Variants in PIBF1 observed in about 807,000 individuals in gnomAD.
PIBF1 encodes the protein progesterone-induced-blocking factor 1.
Under a neutral mutation model 112.5 loss-of-function variants are expected in PIBF1, and 90 were observed. That is an observed-to-expected ratio of 0.80 (90% confidence interval 0.67 to 0.95). PIBF1 has a LOEUF of 0.95. PIBF1 is among the 40% of genes least tolerant of loss of function. The pLI is 0.00. For synonymous variants in PIBF1, 301 were observed against 288.6 expected (o/e 1.04, Z -0.44); for missense variants, 915 against 852.3 (o/e 1.07, Z -0.92).
intron 9 of PIBF1, among the ~76,000 whole-genome samples, chr13:72,839,614 A>G (rs1242801475): frequency 6.6e-6 from 1 of 152,202 alleles, no homozygotes; most frequent in Admixed American, 6.5e-5. Flanking sequence ...GACTGATATA[A>G]TAACTTTAAA....
intron 11 of PIBF1, among the ~76,000 whole-genome samples, chr13:72,902,648 T>C (rs2040538337): frequency 6.6e-6 from 1 of 152,198 alleles, no homozygotes; most frequent in Non-Finnish European, 1.5e-5. Context: ...GTCGCAGCAT[T>C]ATTTATTATG....
chr13:72,823,107 A>G (rs997389769), intron 6 of PIBF1, among the ~76,000 whole-genome samples: 2 of 152,202 alleles, frequency 1.3e-5, no homozygotes, highest in South Asian at 4.1e-4. Context: ...AAAATATAAA[A>G]TAAAAAAGAA....
chr13:72,971,143 A>C (rs1205701520), intron 15 of PIBF1, among the ~76,000 whole-genome samples: 2 of 151,826 alleles, frequency 1.3e-5, no homozygotes, highest in East Asian at 3.9e-4. Flanking sequence ...ATTACACTAC[A>C]TATTCTTTAG....
At chr13:72,803,227 CTTGTTTTTTTT>C (rs1489574831) in intron 5 of PIBF1, among the ~76,000 whole-genome samples, 2 of 150,112 alleles carry the variant, frequency 1.3e-5, no homozygotes, top group African/African-American at 4.9e-5. Context: ...CCAGGGAAGG[CTTGTTTTTTTT>C]TTGTTTTTTT....
At chr13:72,954,521 C>T (rs1160129686) in intron 14 of PIBF1, among the ~76,000 whole-genome samples, 1 of 152,216 alleles carries the variant, frequency 6.6e-6, no homozygotes, top group Non-Finnish European at 1.5e-5. Context: ...CCTCCATCCC[C>T]GCTGGAATCT....
intron 14 of PIBF1, among the ~76,000 whole-genome samples, chr13:72,941,541 C>G (rs899432865): frequency 6.6e-6 from 1 of 152,160 alleles, no homozygotes; most frequent in Non-Finnish European, 1.5e-5. Context: ...ACCTTATTCA[C>G]AAAGGCCTTA....
At chr13:73,014,527 C>T (rs923752078) in intron 17 of PIBF1, among the ~76,000 whole-genome samples, 2 of 152,130 alleles carry the variant, frequency 1.3e-5, no homozygotes, top group Admixed American at 6.6e-5. Context: ...CCATAAAATG[C>T]ATAGTACCAA....
chr13:72,979,581 T>C (rs566221567), intron 16 of PIBF1, among the ~76,000 whole-genome samples: 2 of 152,110 alleles, frequency 1.3e-5, no homozygotes, highest in South Asian at 2.1e-4. Context: ...TTGAACTAGA[T>C]TGGTGATGAT....
intron 11 of PIBF1, among the ~76,000 whole-genome samples, chr13:72,907,512 A>G (rs140073090): frequency 2.8e-4 from 43 of 152,238 alleles, no homozygotes; most frequent in African/African-American, 8.4e-4. Flanking sequence ...TTTCAACACT[A>G]TGTTCTAGGT....
At chr13:72,807,008 G>A (rs1324118567) in intron 5 of PIBF1, among the ~76,000 whole-genome samples, 2 of 149,558 alleles carry the variant, frequency 1.3e-5, no homozygotes, top group Non-Finnish European at 3.0e-5. Flanking sequence ...CTATTTTAAG[G>A]TTACATAATA....
At chr13:72,854,728 A>G (rs1048423467) in intron 10 of PIBF1, among the ~76,000 whole-genome samples, 2 of 151,858 alleles carry the variant, frequency 1.3e-5, no homozygotes, top group Admixed American at 1.3e-4. Flanking sequence ...TAGGAGTGGC[A>G]TTGTTCATCA....
chr13:72,968,896 G>A (rs2042819820), intron 15 of PIBF1, among the ~76,000 whole-genome samples: 1 of 151,760 alleles, frequency 6.6e-6, no homozygotes, highest in African/African-American at 2.4e-5. Context: ...AGAAAAATTT[G>A]CCAGTGTGAT....
chr13:72,787,562 C>T (rs559855719), intron 2 of PIBF1, among the ~76,000 whole-genome samples: 159 of 152,240 alleles, frequency 1.0e-3, no homozygotes, highest in African/African-American at 3.4e-3. Context: ...GGTAACACCA[C>T]GCGGTATTTG....
chr13:72,923,097 A>G (rs771526150), intron 13 of PIBF1, among the ~76,000 whole-genome samples: 1 of 152,194 alleles, frequency 6.6e-6, no homozygotes, highest in Non-Finnish European at 1.5e-5. Flanking sequence ...TAACTAATAT[A>G]GCTAATAAGC....
chr13:72,989,863 G>A (rs1303837905), intron 16 of PIBF1, among the ~76,000 whole-genome samples: 2 of 152,092 alleles, frequency 1.3e-5, no homozygotes, highest in Non-Finnish European at 2.9e-5. Flanking sequence ...TGGGGACTCA[G>A]TATTCTATCC....
intron 5 of PIBF1, among the ~76,000 whole-genome samples, chr13:72,816,405 T>C (rs1344890900): frequency 1.3e-5 from 2 of 152,144 alleles, no homozygotes; most frequent in African/African-American, 4.8e-5. Flanking sequence ...TTTGGGAGGC[T>C]ATAATCGCAG....
In PIBF1 at chr13:72,825,645, G is replaced by A. The variant is rs574980240; in HGVS notation, c.807-1365G>A. On this transcript the variant is annotated intron_variant, in intron 6 of 17. Coordinates refer to ENST00000326291, the MANE Select transcript of PIBF1 (RefSeq NM_006346.4). ...CTGGAACCCATTCTCCACATATACC[G>A]TTAAGACACCTGCATATATTCACAT... Among the ~76,000 whole-genome samples the A allele has an allele frequency of 9.2e-5, 14 of 152,270 alleles. No homozygotes were observed. In the East Asian group the frequency reaches 1.5e-3, roughly 17 times the overall value.
At chr13:72,831,491 C>T (rs2138184171) in intron 8 of PIBF1, among the ~76,000 whole-genome samples, 1 of 151,476 alleles carries the variant, frequency 6.6e-6, no homozygotes, top group South Asian at 2.1e-4. Flanking sequence ...TTTCAAAGAA[C>T]ATCTTTATTT....
chr13:72,932,056 C>T (rs1048871003), intron 14 of PIBF1, among the ~76,000 whole-genome samples: 3 of 150,928 alleles, frequency 2.0e-5, no homozygotes, highest in African/African-American at 4.9e-5. Context: ...CTCCTCCCTC[C>T]TCAGCCTCCC....
Sources: gnomAD v4.1 joint callset for allele counts (sites outside exome capture counted in the v4.1 genomes callset) on GRCh38, gnomAD v4.1.1 for gene constraint, MANE v1.5 for transcripts, NCBI Gene and HGNC (gene_info 2026-07-23, HGNC 2026-07-21) for gene names.